Variants in STRN observed in about 807,000 individuals in gnomAD.
The protein encoded by STRN is protein phosphatase 2 regulatory subunit B'''alpha.
In STRN, 53 loss-of-function variants were observed where a neutral mutation model predicts 96.3. The ratio of observed to expected loss-of-function variants is 0.55; its 90% CI spans 0.44 to 0.69. The LOEUF is 0.69. STRN is among the 30% of genes least tolerant of loss of function. STRN has a pLI of 0.00. For synonymous variants in STRN, 428 were observed against 355.9 expected, an observed-to-expected ratio of 1.20 and a Z score of -2.28; for missense variants, 987 against 963.9, an observed-to-expected ratio of 1.02 and a Z score of -0.32.
In STRN at chr2:36,849,408, G is replaced by A. The variant is rs756867929; in HGVS notation, c.*48C>T. The A allele has an allele frequency of 6.3e-6, 10 of 1,596,584 alleles. No homozygotes were observed. Among genetic ancestry groups the A allele is most frequent in the Admixed American group, 3.4e-5 (2 of 58,734 alleles). On this transcript the variant is annotated 3_prime_UTR_variant, in exon 18 of 18. Transcript: ENST00000263918. ...CCCTCGTCTTCTGTATCTCTTGTGT[G>A]CAGTTGATTACTTATAAACAGCTAG...
At chr2:36,926,469 G>T (rs1425777632) in intron 1 of STRN, among the ~76,000 whole-genome samples, 1 of 152,160 alleles carries the variant, frequency 6.6e-6, no homozygotes, top group East Asian at 1.9e-4. Flanking sequence ...AAGTGAGCAA[G>T]AACTTTACAT....
chr2:36,921,077 GA>G, intron 2 of STRN, among the ~76,000 whole-genome samples: 1 of 146,454 alleles, frequency 6.8e-6, no homozygotes, highest in East Asian at 2.0e-4. Context: ...CTGTCTCAAA[GA>G]AAAAAAAATA....
chr2:36,867,814 T>A lies in STRN; in HGVS notation c.1547A>T (p.Lys516Ile), dbSNP rs1668667885. 6.4e-7 allele frequency: 1 copy of A among 1,568,792 alleles called. No individual in the cohort carries two copies. Among genetic ancestry groups the A allele is most frequent in the Non-Finnish European group, 8.6e-7 (1 of 1,158,010 alleles). The change falls in exon 12 of 18, where the codon AAA (lysine) becomes ATA (isoleucine). Residue 516 changes from lysine to isoleucine, a missense_variant and splice_region_variant. By Grantham distance (102) the Lys-to-Ile change is moderately radical (BLOSUM62 -3). Coordinates refer to ENST00000263918, the MANE Select transcript of STRN (RefSeq NM_003162.4). ...VEPIYTFRAHKGPVLCVVMSS... is the reference protein window; with the variant it reads ...VEPIYTFRAHIGPVLCVVMSS... ...AAATAAAGAAAAAACATATACTTACTTATGGGCTCTGAATGTATAGATAGG... is the reference window on the plus strand; with the variant it reads ...AAATAAAGAAAAAACATATACTTACATATGGGCTCTGAATGTATAGATAGG...
intron 14 of STRN, among the ~76,000 whole-genome samples, chr2:36,856,580 C>T (rs1668346459): frequency 6.6e-6 from 1 of 152,080 alleles, no homozygotes; most frequent in Admixed American, 6.5e-5. Context: ...GTAGATAAAA[C>T]TAATCTATGA....
intron 1 of STRN, among the ~76,000 whole-genome samples, chr2:36,930,034 T>A (rs1161276606): frequency 6.6e-6 from 1 of 152,218 alleles, no homozygotes. Flanking sequence ...ATAAACTATA[T>A]CTATTCCCTC....
At chr2:36,885,126 T>C (rs1233544010) in intron 8 of STRN, among the ~76,000 whole-genome samples, 1 of 152,280 alleles carries the variant, frequency 6.6e-6, no homozygotes, top group East Asian at 1.9e-4. Context: ...ATTGCTTCTA[T>C]TAGTAGGAAT....
In STRN at chr2:36,893,976, G is replaced by A. The variant is rs1413052426; in HGVS notation, c.853C>T (p.Leu285=). ...SGEDRDTKEA[L]KEFDFLVTSE... is the part of the protein sequence containing the mutation. The stretch of plus-strand genomic sequence containing the variant: ...GTAACCAAGAAGTCAAACTCCTTTA[G>A]AGCTTCTTTTGTATCTCGATCTTCA... Residue 285 remains leucine (L), a synonymous_variant, in exon 7 of 18, where the codon CTA becomes TTA. Coordinates refer to ENST00000263918, the MANE Select transcript of STRN (RefSeq NM_003162.4). 2.5e-6 allele frequency: 4 copies of A among 1,613,348 alleles called. No individual in the cohort carries two copies. Among genetic ancestry groups the A allele is most frequent in the Non-Finnish European group, 3.4e-6 (4 of 1,179,782 alleles).
Position 36,855,208 on chromosome 2 carries a change from A to G in STRN, c.1978+4T>C. 6.2e-7 allele frequency: 1 copy of G among 1,612,966 alleles called. No individual in the cohort carries two copies. The highest frequency in any genetic ancestry group is 8.5e-7 in the Non-Finnish European group (1 of 1,179,486). On this transcript the variant is annotated splice_donor_region_variant and intron_variant, in intron 15 of 17. Transcript: ENST00000263918. Reference sequence around the variant, plus strand: ...CACAGACAATTTAAAATTGGTATGCATACTTGTATCTACATTGGATTCTAA... The same window carrying G: ...CACAGACAATTTAAAATTGGTATGCGTACTTGTATCTACATTGGATTCTAA...
At chr2:36,926,127 C>G (rs1317500419) in intron 1 of STRN, among the ~76,000 whole-genome samples, 1 of 152,148 alleles carries the variant, frequency 6.6e-6, no homozygotes, top group Non-Finnish European at 1.5e-5. Flanking sequence ...TCCTGCCCCC[C>G]ACCCCAAGGA....
chr2:36,902,315 T>C (rs1043536279), intron 5 of STRN, among the ~76,000 whole-genome samples: 5 of 152,204 alleles, frequency 3.3e-5, no homozygotes, highest in Non-Finnish European at 7.4e-5. Context: ...TAAAATCTTT[T>C]CTGAAGTTTT....
chr2:36,940,813 G>GGTA (rs1670826231), intron 1 of STRN, among the ~76,000 whole-genome samples: 1 of 146,836 alleles, frequency 6.8e-6, no homozygotes, highest in Admixed American at 6.8e-5. Context: ...CAGCAGCCTG[G>GGTA]GCGACTGGGC....
intron 13 of STRN, among the ~76,000 whole-genome samples, chr2:36,860,919 C>G (rs1348835895): frequency 6.6e-6 from 1 of 152,150 alleles, no homozygotes. Flanking sequence ...GAAGTGGGAA[C>G]TGTATTTTCA....
rs1203900851 is a variant in STRN at position 36,966,268 on chromosome 2, C to T, written c.196G>A (p.Glu66Lys). ...LQHEWARFEVERAQWEVERAE... is the reference protein window; with the variant it reads ...LQHEWARFEVKRAQWEVERAE... ...CGCTCCACCTCCCACTGGGCTCTCTCCACCTCGAAGCGGGCCCACTCGTGC... is the reference window on the plus strand; with the variant it reads ...CGCTCCACCTCCCACTGGGCTCTCTTCACCTCGAAGCGGGCCCACTCGTGC... Residue 66 changes from glutamate to lysine, a missense_variant, in exon 1 of 18, where the codon GAG (glutamate) becomes AAG (lysine). Physicochemically the swap from Glu to Lys is moderately conservative, Grantham distance 56. Transcript: ENST00000263918. 1 of 1,587,994 alleles carries T rather than the reference C, an allele frequency of 6.3e-7. No individual in the cohort carries two copies. The highest frequency in any genetic ancestry group is 1.7e-5 in the Admixed American group (1 of 57,866).
intron 15 of STRN, among the ~76,000 whole-genome samples, chr2:36,853,302 T>C (rs1243121992): frequency 6.6e-6 from 1 of 152,190 alleles, no homozygotes; most frequent in African/African-American, 2.4e-5. Flanking sequence ...TAATACTCCA[T>C]TGAGCAACAC....
intron 10 of STRN, among the ~76,000 whole-genome samples, chr2:36,870,390 G>A (rs1320430653): frequency 2.6e-5 from 4 of 152,010 alleles, no homozygotes; most frequent in Non-Finnish European, 4.4e-5. Flanking sequence ...GCACCACAGG[G>A]TATGAATTCT....
intron 7 of STRN, among the ~76,000 whole-genome samples, chr2:36,891,897 GA>G (rs1224402535): frequency 6.6e-6 from 1 of 152,104 alleles, no homozygotes; most frequent in East Asian, 1.9e-4. Context: ...ATGAGAGAAG[GA>G]AAAGGTATCT....
intron 4 of STRN, 141 bp downstream of exon 4, chr2:36,905,399 G>T: frequency 1.4e-6 from 1 of 694,966 alleles, no homozygotes; most frequent in South Asian, 2.0e-5. Flanking sequence ...TATGAAAAAG[G>T]AACAGTAATT....
In STRN at chr2:36,842,419, G is replaced by A. The variant is rs541398512; in HGVS notation, c.*7037C>T. ...AGTGCTGTTTAACAGATGTTTTACT[G>A]TGGGCTCTCCTTTACATCACTGGGT... On this transcript the variant is annotated 3_prime_UTR_variant, in exon 18 of 18. Transcript: ENST00000263918. 2 of 152,284 alleles carry A rather than the reference G, an allele frequency of 1.3e-5. No homozygotes were observed. Among genetic ancestry groups the A allele is most frequent in the Admixed American group, 6.5e-5 (1 of 15,276 alleles). The allele number at this position is 152,284 out of a possible 1,614,324, so 9.4% of individuals were successfully genotyped here. A position where few individuals can be genotyped will look rare whatever the true frequency, so the allele number is the denominator to read the frequency against.
chr2:36,897,594 C>T (rs1467501873), intron 6 of STRN, among the ~76,000 whole-genome samples: 6 of 151,628 alleles, frequency 4.0e-5, no homozygotes, highest in Admixed American at 3.3e-4. Context: ...CGCCACCATA[C>T]CCAGCTAATT....
Sources: gnomAD v4.1 joint callset for allele counts (sites outside exome capture counted in the v4.1 genomes callset) on GRCh38, gnomAD v4.1.1 for gene constraint, MANE v1.5 for transcripts, NCBI Gene and HGNC (gene_info 2026-07-23, HGNC 2026-07-21) for gene names.